The following ZNF385B variants were observed in gnomAD, a reference collection of about 807,000 sequenced individuals.
ZNF385B encodes the protein zinc finger protein 385B.
In ZNF385B, 23 loss-of-function variants were observed where a neutral mutation model predicts 39.2. That is an observed-to-expected ratio of 0.59 (90% confidence interval 0.42 to 0.83). ZNF385B has a LOEUF of 0.83. Among genes scored for constraint, ZNF385B ranks in the 40% least tolerant of loss-of-function variants. The pLI is 0.00. For missense variants in ZNF385B, 552 were observed against 598.9 expected (o/e 0.92, Z 0.82); for synonymous variants, 205 against 222.6 (o/e 0.92, Z 0.70).
chr2:179,847,069 A>G (rs1708833943), intron 1 of ZNF385B, among the ~76,000 whole-genome samples: 1 of 152,258 alleles, frequency 6.6e-6, no homozygotes, highest in African/African-American at 2.4e-5. Context: ...AACAGTGTTT[A>G]AAATCGCTGA....
chr2:179,630,580 A>G (rs1053496943), intron 3 of ZNF385B, among the ~76,000 whole-genome samples: 1 of 152,232 alleles, frequency 6.6e-6, no homozygotes, highest in Non-Finnish European at 1.5e-5. Context: ...AGAGCAGAAA[A>G]GCTGAAAATT....
intron 5 of ZNF385B, among the ~76,000 whole-genome samples, chr2:179,490,617 GT>G (rs1203380736): frequency 1.0e-5 from 1 of 97,824 alleles, no homozygotes; most frequent in African/African-American, 3.2e-5. Flanking sequence ...CTGGAATATA[GT>G]AAAAAAAAAA....
At chr2:179,743,627 A>G (rs1702204899) in intron 3 of ZNF385B, among the ~76,000 whole-genome samples, 2 of 152,122 alleles carry the variant, frequency 1.3e-5, no homozygotes, top group Non-Finnish European at 2.9e-5. Flanking sequence ...TAAATACTCC[A>G]CTAAATGTCC....
intron 3 of ZNF385B, among the ~76,000 whole-genome samples, chr2:179,725,910 GTATATATA>G (rs72080859): frequency 7.2e-6 from 1 of 138,832 alleles, no homozygotes; most frequent in African/African-American, 2.8e-5. Context: ...GTTTGTGTGT[GTATATATA>G]TATATATATA....
chr2:179,457,165 T>C (rs542522746), intron 6 of ZNF385B, among the ~76,000 whole-genome samples: 19 of 152,292 alleles, frequency 1.2e-4, no homozygotes, highest in African/African-American at 3.8e-4. Flanking sequence ...CTTCTTTCAC[T>C]CAACATTATG....
chr2:179,529,609 T>C (rs1402920309), intron 4 of ZNF385B, among the ~76,000 whole-genome samples: 1 of 151,664 alleles, frequency 6.6e-6, no homozygotes, highest in East Asian at 2.0e-4. Flanking sequence ...TGGAAATCTT[T>C]CAGGGAATTA....
intron 3 of ZNF385B, among the ~76,000 whole-genome samples, chr2:179,572,257 G>A (rs956007967): frequency 5.9e-5 from 9 of 152,018 alleles, no homozygotes; most frequent in African/African-American, 1.7e-4. Flanking sequence ...GATTTTCAAC[G>A]ATGGCTAAAA....
intron 3 of ZNF385B, among the ~76,000 whole-genome samples, chr2:179,610,517 AGGATATCATT>A (rs1689201137): frequency 6.6e-6 from 1 of 152,130 alleles, no homozygotes; most frequent in African/African-American, 2.4e-5. Flanking sequence ...TCTGTTGCTC[AGGATATCATT>A]GGCTAATCTG....
At chr2:179,555,919 T>G (rs2060877043) in intron 3 of ZNF385B, among the ~76,000 whole-genome samples, 1 of 149,242 alleles carries the variant, frequency 6.7e-6, no homozygotes. Context: ...AATGTTACAT[T>G]TAAAAATAAA....
chr2:179,702,043 A>G (rs145108674), intron 3 of ZNF385B, among the ~76,000 whole-genome samples: 1 of 152,172 alleles, frequency 6.6e-6, no homozygotes, highest in Non-Finnish European at 1.5e-5. Context: ...GCTTCAAAAG[A>G]CTTTTCACGT....
chr2:179,468,194 A>G (rs1430412505), intron 6 of ZNF385B, among the ~76,000 whole-genome samples: 2 of 152,204 alleles, frequency 1.3e-5, no homozygotes, highest in Non-Finnish European at 2.9e-5. Flanking sequence ...CTGGCAGCCT[A>G]CCTTCTGTAT....
At chr2:179,681,808 T>A (rs1369214797) in intron 3 of ZNF385B, among the ~76,000 whole-genome samples, 2 of 152,200 alleles carry the variant, frequency 1.3e-5, no homozygotes, top group African/African-American at 4.8e-5. Context: ...GCACAAACTT[T>A]ATGGAAGAAC....
intron 3 of ZNF385B, among the ~76,000 whole-genome samples, chr2:179,659,490 A>C (rs1190137718): frequency 6.6e-6 from 1 of 152,036 alleles, no homozygotes; most frequent in African/African-American, 2.4e-5. Flanking sequence ...ATTTCTATTA[A>C]GACTAATGCA....
intron 3 of ZNF385B, among the ~76,000 whole-genome samples, chr2:179,564,160 G>A (rs551519315): frequency 7.9e-5 from 12 of 152,208 alleles, no homozygotes; most frequent in African/African-American, 2.9e-4. Context: ...CACTGGGGAT[G>A]GGGCCCAGTA....
At chr2:179,718,322 A>G (rs1325330364) in intron 3 of ZNF385B, among the ~76,000 whole-genome samples, 2 of 148,910 alleles carry the variant, frequency 1.3e-5, no homozygotes, top group African/African-American at 4.9e-5. Flanking sequence ...ATAATCAATG[A>G]TATATATTAT....
At chr2:179,777,331 A>G (rs1218144130) in intron 1 of ZNF385B, among the ~76,000 whole-genome samples, 1 of 152,214 alleles carries the variant, frequency 6.6e-6, no homozygotes, top group Non-Finnish European at 1.5e-5. Flanking sequence ...TTCTTCTTAC[A>G]AACATAAAAT....
chr2:179,708,681 G>T (rs1314303331), intron 3 of ZNF385B, among the ~76,000 whole-genome samples: 1 of 152,220 alleles, frequency 6.6e-6, no homozygotes, highest in Admixed American at 6.5e-5. Flanking sequence ...TCAAGTGAGA[G>T]TTAGGATGGT....
At chr2:179,490,269 G>C (rs2105643020) in intron 5 of ZNF385B, among the ~76,000 whole-genome samples, 1 of 151,870 alleles carries the variant, frequency 6.6e-6, no homozygotes, top group East Asian at 1.9e-4. Context: ...TTGTGTTATG[G>C]CTGCTTTGAA....
At chr2:179,818,098 G>A (rs1423141722) in intron 1 of ZNF385B, among the ~76,000 whole-genome samples, 1 of 152,096 alleles carries the variant, frequency 6.6e-6, no homozygotes, top group Non-Finnish European at 1.5e-5. Flanking sequence ...GTGTGTGTCA[G>A]CCCAAGTGAG....
Sources: gnomAD v4.1 joint callset for allele counts (sites outside exome capture counted in the v4.1 genomes callset) on GRCh38, gnomAD v4.1.1 for gene constraint, MANE v1.5 for transcripts, NCBI Gene and HGNC (gene_info 2026-07-23, HGNC 2026-07-21) for gene names.